The following SLC24A3 variants were observed in gnomAD, a reference collection of about 807,000 sequenced individuals.
SLC24A3 encodes the protein sodium/potassium/calcium exchanger 3.
A neutral mutation model predicts 75.8 loss-of-function variants in SLC24A3; 28 were observed. That is an observed-to-expected ratio of 0.37 (90% CI 0.27 to 0.51). SLC24A3 has a LOEUF of 0.51. Among genes scored for constraint, SLC24A3 ranks in the 20% least tolerant of loss-of-function variants. The pLI, the probability that SLC24A3 is intolerant of heterozygous loss-of-function variation, is 0.94. For missense variants in SLC24A3, 663 were observed against 847.8 expected, an observed-to-expected ratio of 0.78 and a Z score of 2.71; for synonymous variants, 372 against 334.1, an observed-to-expected ratio of 1.11 and a Z score of -1.24.
chr20:19,713,784 T>C (rs1447652285), intron 15 of SLC24A3, among the ~76,000 whole-genome samples: 1 of 152,198 alleles, frequency 6.6e-6, no homozygotes, highest in East Asian at 1.9e-4. Flanking sequence ...TTCAACCTCA[T>C]AAGCACCAAC....
intron 2 of SLC24A3, among the ~76,000 whole-genome samples, chr20:19,379,401 T>G (rs1298030154): frequency 6.6e-6 from 1 of 151,944 alleles, no homozygotes; most frequent in Non-Finnish European, 1.5e-5. Context: ...AGGGTTTTGC[T>G]GAGTTTTTTA....
chr20:19,427,542 G>A (rs1334551585), intron 2 of SLC24A3, among the ~76,000 whole-genome samples: 1 of 152,226 alleles, frequency 6.6e-6, no homozygotes, highest in Non-Finnish European at 1.5e-5. Context: ...GGGGCTGGGG[G>A]AAAAGGTAGG....
chr20:19,404,404 G>A (rs1285563676), intron 2 of SLC24A3, among the ~76,000 whole-genome samples: 1 of 152,184 alleles, frequency 6.6e-6, no homozygotes, highest in South Asian at 2.1e-4. Flanking sequence ...TGTCATGGGG[G>A]TGTAGGTAAA....
intron 2 of SLC24A3, among the ~76,000 whole-genome samples, chr20:19,365,739 T>C (rs1985878091): frequency 6.6e-6 from 1 of 151,494 alleles, no homozygotes. Flanking sequence ...AGGGTAGAGC[T>C]ACCTCCAGCC....
At chr20:19,688,566 G>A (rs1037672531) in intron 12 of SLC24A3, among the ~76,000 whole-genome samples, 5 of 152,228 alleles carry the variant, frequency 3.3e-5, no homozygotes, top group African/African-American at 1.2e-4. Context: ...GAGAAGCCAG[G>A]GAGTCAGTTC....
intron 2 of SLC24A3, among the ~76,000 whole-genome samples, chr20:19,427,740 A>C (rs976856943): frequency 6.6e-6 from 1 of 152,172 alleles, no homozygotes; most frequent in Admixed American, 6.5e-5. Context: ...CCTGGAAAAA[A>C]GTATTTGCTG....
At chr20:19,608,994 A>G (rs1054686985) in intron 6 of SLC24A3, among the ~76,000 whole-genome samples, 1 of 152,228 alleles carries the variant, frequency 6.6e-6, no homozygotes, top group Non-Finnish European at 1.5e-5. Flanking sequence ...GACGTGTTGA[A>G]TGATGTCTCC....
chr20:19,565,854 T>C (rs1412917198), intron 3 of SLC24A3, among the ~76,000 whole-genome samples: 9 of 152,110 alleles, frequency 5.9e-5, no homozygotes, highest in Non-Finnish European at 1.3e-4. Flanking sequence ...GGCACTAAAT[T>C]TGGATGAATG....
intron 3 of SLC24A3, among the ~76,000 whole-genome samples, chr20:19,521,770 A>G (rs997988417): frequency 5.9e-5 from 9 of 152,324 alleles, no homozygotes; most frequent in African/African-American, 1.9e-4. Flanking sequence ...GCTGTTGTTC[A>G]GAGCCAAAGA....
intron 3 of SLC24A3, among the ~76,000 whole-genome samples, chr20:19,579,549 G>T (rs2031189044): frequency 6.6e-6 from 1 of 152,188 alleles, no homozygotes; most frequent in South Asian, 2.1e-4. Context: ...TGAACTTCTG[G>T]TGGAGGAGAC....
intron 2 of SLC24A3, among the ~76,000 whole-genome samples, chr20:19,315,644 C>T (rs58864324): frequency 2.0e-5 from 3 of 152,186 alleles, no homozygotes; most frequent in Non-Finnish European, 4.4e-5. Flanking sequence ...GTGCTCAGGT[C>T]ATGATCAAGA....
intron 2 of SLC24A3, among the ~76,000 whole-genome samples, chr20:19,511,376 G>T (rs1420795409): frequency 2.7e-5 from 4 of 149,320 alleles, no homozygotes; most frequent in Non-Finnish European, 5.9e-5. Flanking sequence ...CACCCAGGCT[G>T]GAGTACAGTG....
At chr20:19,319,322 C>T (rs1029201298) in intron 2 of SLC24A3, among the ~76,000 whole-genome samples, 19 of 152,214 alleles carry the variant, frequency 1.2e-4, no homozygotes, top group Non-Finnish European at 2.1e-4. Context: ...TCCAGCAGAA[C>T]TGCCTTATAC....
At chr20:19,323,464 C>G (rs1294893102) in intron 2 of SLC24A3, among the ~76,000 whole-genome samples, 2 of 152,096 alleles carry the variant, frequency 1.3e-5, no homozygotes, top group East Asian at 1.9e-4. Context: ...TTGATCATTT[C>G]TTTTATATTT....
chr20:19,252,344 A>G (rs1475305515), intron 1 of SLC24A3, among the ~76,000 whole-genome samples: 1 of 152,102 alleles, frequency 6.6e-6, no homozygotes, highest in African/African-American at 2.4e-5. Context: ...AACTCAGACA[A>G]CCTTTGTGCT....
chr20:19,269,408 G>T (rs1393815990), intron 1 of SLC24A3, among the ~76,000 whole-genome samples: 1 of 152,222 alleles, frequency 6.6e-6, no homozygotes, highest in African/African-American at 2.4e-5. Context: ...GTATTCCCTG[G>T]CATGTTAGAT....
At chr20:19,571,184 A>T (rs13037640) in intron 3 of SLC24A3, among the ~76,000 whole-genome samples, 1 of 152,030 alleles carries the variant, frequency 6.6e-6, no homozygotes, top group East Asian at 1.9e-4. Context: ...GTGAGGCTGG[A>T]TGAGGTCCAT....
At chr20:19,418,194 T>C (rs1668711750) in intron 2 of SLC24A3, among the ~76,000 whole-genome samples, 2 of 152,170 alleles carry the variant, frequency 1.3e-5, no homozygotes. Context: ...CAAAAAGGAA[T>C]TTTAAACAAA....
intron 6 of SLC24A3, among the ~76,000 whole-genome samples, chr20:19,599,385 C>T (rs1230169333): frequency 2.0e-5 from 3 of 151,886 alleles, no homozygotes; most frequent in Non-Finnish European, 4.4e-5. Flanking sequence ...GTCCCTCCCG[C>T]GCACCTGGCG....
Sources: gnomAD v4.1 joint callset for allele counts (sites outside exome capture counted in the v4.1 genomes callset) on GRCh38, gnomAD v4.1.1 for gene constraint, MANE v1.5 for transcripts, NCBI Gene and HGNC (gene_info 2026-07-23, HGNC 2026-07-21) for gene names.